PDE4D: variants seen among roughly 807,000 people sequenced by gnomAD.
PDE4D encodes phosphodiesterase 4D, also known as 3',5'-cyclic-AMP phosphodiesterase 4D.
In PDE4D, 24 loss-of-function variants were observed where a neutral mutation model predicts 87.4. The observed-to-expected ratio is 0.27, with a 90% CI of 0.20 to 0.39. PDE4D has a LOEUF of 0.39. Among genes scored for constraint, PDE4D ranks in the 10% least tolerant of loss-of-function variants. PDE4D has a pLI of 1.00. For synonymous variants in PDE4D, 384 were observed against 383.2 expected (o/e 1.00, Z -0.02); for missense variants, 714 against 1,041.0 (o/e 0.69, Z 4.32).
At chr5:59,536,015 G>A (rs1357851733) in intron 1 of PDE4D, among the ~76,000 whole-genome samples, 1 of 152,182 alleles carries the variant, frequency 6.6e-6, no homozygotes, top group Admixed American at 6.5e-5. Flanking sequence ...TGCTGAAAAA[G>A]TTGATCTCTT....
intron 1 of PDE4D, among the ~76,000 whole-genome samples, chr5:59,507,505 A>T (rs1211420106): frequency 6.6e-6 from 1 of 151,800 alleles, no homozygotes; most frequent in Non-Finnish European, 1.5e-5. Flanking sequence ...ATACAAAAAA[A>T]TAAAATAAAA....
At chr5:60,133,999 T>C (rs545155050) in intron 2 of PDE4D, among the ~76,000 whole-genome samples, 92 of 152,324 alleles carry the variant, frequency 6.0e-4, no homozygotes, top group African/African-American at 2.1e-3. Context: ...GTAAAAATCA[T>C]AGATACCTTC....
intron 6 of PDE4D, among the ~76,000 whole-genome samples, chr5:58,994,440 C>T (rs571281818): frequency 6.6e-6 from 1 of 151,564 alleles, no homozygotes; most frequent in Non-Finnish European, 1.5e-5. Flanking sequence ...TAATATTTGC[C>T]TTAATATACA....
At chr5:60,158,177 C>T (rs1782155201) in intron 2 of PDE4D, among the ~76,000 whole-genome samples, 1 of 152,130 alleles carries the variant, frequency 6.6e-6, no homozygotes, top group Non-Finnish European at 1.5e-5. Flanking sequence ...TAAGTGATTA[C>T]GTTGTTGTGT....
chr5:59,372,177 C>T (rs1191704599), intron 1 of PDE4D, among the ~76,000 whole-genome samples: 1 of 152,208 alleles, frequency 6.6e-6, no homozygotes, highest in East Asian at 1.9e-4. Flanking sequence ...CATTTCTCTA[C>T]CTACCCAATG....
At chr5:59,040,927 A>C (rs1212468968) in intron 5 of PDE4D, among the ~76,000 whole-genome samples, 1 of 152,206 alleles carries the variant, frequency 6.6e-6, no homozygotes, top group Admixed American at 6.5e-5. Flanking sequence ...ACTTTGTAAA[A>C]GTTAGAGTAA....
At chr5:60,237,882 TTTAA>T (rs1202886293) in intron 1 of PDE4D, among the ~76,000 whole-genome samples, 35 of 152,074 alleles carry the variant, frequency 2.3e-4, no homozygotes, top group African/African-American at 8.4e-4. Context: ...CCTATGAATC[TTTAA>T]TTATTATCAA....
Position 60,388,688 on chromosome 5 carries a change from C to T in PDE4D, c.-90+99254G>A, listed in dbSNP as rs181248901. Reference sequence around the variant, plus strand: ...TCTGGAATGAGGGTATTTTGACCGACAATCAGATTAGAGTCCTGCCTTGGG... The same window carrying T: ...TCTGGAATGAGGGTATTTTGACCGATAATCAGATTAGAGTCCTGCCTTGGG... On this transcript the variant is annotated intron_variant, in intron 1 of 16. Coordinates refer to the PDE4D transcript ENST00000502484. 3.9e-5 allele frequency among the ~76,000 whole-genome samples: 6 copies of T among 152,222 alleles called. No homozygotes were observed. The East Asian group carries it at 9.7e-4, about 25-fold the overall frequency.
At chr5:60,154,532 C>T (rs1047487371) in intron 2 of PDE4D, among the ~76,000 whole-genome samples, 3 of 152,158 alleles carry the variant, frequency 2.0e-5, no homozygotes, top group Non-Finnish European at 2.9e-5. Context: ...CCTCAGCCCC[C>T]CAAAGTGCTG....
At chr5:59,356,876 A>T (rs775458861) in intron 1 of PDE4D, 2 of 1,526,922 alleles carry the variant, frequency 1.3e-6, no homozygotes, top group Non-Finnish European at 1.7e-6. Flanking sequence ...ATCCCCAGGA[A>T]CCACGAGAAG....
chr5:59,638,320 G>A (rs774030224), intron 1 of PDE4D, among the ~76,000 whole-genome samples: 12 of 152,134 alleles, frequency 7.9e-5, no homozygotes, highest in South Asian at 2.1e-4. Flanking sequence ...CACCAGAATC[G>A]AAATGTATGC....
intron 1 of PDE4D, among the ~76,000 whole-genome samples, chr5:59,738,759 A>G: frequency 6.6e-6 from 1 of 151,936 alleles, no homozygotes; most frequent in East Asian, 1.9e-4. Context: ...TTAATATTCT[A>G]TAATTTGTAA....
At chr5:59,006,439 G>A (rs1751634996) in intron 6 of PDE4D, among the ~76,000 whole-genome samples, 1 of 151,968 alleles carries the variant, frequency 6.6e-6, no homozygotes, top group South Asian at 2.1e-4. Flanking sequence ...GGTGGCATGT[G>A]CTTGTAGTTC....
At chr5:60,476,873 T>G (rs920762544) in intron 1 of PDE4D, among the ~76,000 whole-genome samples, 1 of 152,198 alleles carries the variant, frequency 6.6e-6, no homozygotes, top group Non-Finnish European at 1.5e-5. Flanking sequence ...AAATTATGTA[T>G]TCACACATTT....
chr5:59,612,237 T>TTGTTTG (rs67356056), intron 1 of PDE4D, among the ~76,000 whole-genome samples: 2,116 of 150,510 alleles, frequency 0.014, 32 homozygotes, highest in East Asian at 0.043. Context: ...ACACTGTTTT[T>TTGTTTG]TTTGTTTGTT....
chr5:60,011,687 C>T (rs778196699), intron 2 of PDE4D, among the ~76,000 whole-genome samples: 14 of 152,024 alleles, frequency 9.2e-5, no homozygotes, highest in Non-Finnish European at 1.9e-4. Flanking sequence ...TGATGTGGCC[C>T]ACAAAGCTGG....
chr5:59,592,159 C>T, intron 1 of PDE4D: 2 of 983,312 alleles, frequency 2.0e-6, no homozygotes, highest in Non-Finnish European at 2.4e-6. Context: ...CCCCCAGGAA[C>T]AGAACAGTGT....
chr5:60,007,806 AT>A (rs1304986202), intron 2 of PDE4D, among the ~76,000 whole-genome samples: 2 of 152,010 alleles, frequency 1.3e-5, no homozygotes, highest in African/African-American at 2.4e-5. Context: ...ATCTACAAAT[AT>A]TTAATTAGCT....
At chr5:59,010,336 A>C (rs1047610840) in intron 6 of PDE4D, among the ~76,000 whole-genome samples, 2 of 152,156 alleles carry the variant, frequency 1.3e-5, no homozygotes, top group African/African-American at 4.8e-5. Context: ...AAATAAAATA[A>C]TAAGAGAAGC....
Sources: gnomAD v4.1 joint callset for allele counts (sites outside exome capture counted in the v4.1 genomes callset) on GRCh38, gnomAD v4.1.1 for gene constraint, MANE v1.5 for transcripts, NCBI Gene and HGNC (gene_info 2026-07-23, HGNC 2026-07-21) for gene names.